IMMT: variants seen among roughly 807,000 people sequenced by gnomAD.
The protein encoded by IMMT is MICOS complex subunit MIC60.
IMMT carries 40 observed loss-of-function variants against 92.7 expected under a neutral mutation model. The ratio of observed to expected loss-of-function variants is 0.43; its 90% CI spans 0.34 to 0.56. IMMT has a LOEUF of 0.56. Ranked by LOEUF, IMMT falls within the 20% of genes least tolerant of loss-of-function variation. The pLI is 0.03. For missense variants in IMMT, 831 were observed against 912.1 expected, an observed-to-expected ratio of 0.91 and a Z score of 1.14; for synonymous variants, 322 against 336.1, an observed-to-expected ratio of 0.96 and a Z score of 0.46.
At chr2:86,179,697 A>C in intron 2 of IMMT, 75 bp from the exon 3 acceptor site, 4 of 1,251,120 alleles carry the variant, frequency 3.2e-6, no homozygotes, top group Non-Finnish European at 4.3e-6. Flanking sequence ...CAATGTAACC[A>C]TCTCGAAGAC....
Position 86,144,765 on chromosome 2 carries a change from T to G in IMMT, c.1780A>C (p.Ser594Arg), listed in dbSNP as rs767180611. The G allele has an allele frequency of 3.7e-6, 6 of 1,613,714 alleles. No individual in the cohort carries two copies. The South Asian group carries it at 6.6e-5, about 18-fold the overall frequency. ...TTGGCTTTGATGGCCTCAACTGCAC[T>G]ACCCAGCGGGATAGTAGGTGTTTCT... ...SAETPTIPLG[S>R]AVEAIKANCS... The change falls in exon 15 of 15, where the codon AGT becomes CGT. Residue 594 changes from serine (S) to arginine (R), a missense_variant. Transcript: ENST00000410111.
intron 4 of IMMT, among the ~76,000 whole-genome samples, chr2:86,172,456 T>A (rs1677163967): frequency 6.6e-6 from 1 of 151,994 alleles, no homozygotes; most frequent in Non-Finnish European, 1.5e-5. Context: ...TGGTCCTCCC[T>A]CCCGAGTGCT....
intron 1 of IMMT, 66 bp downstream of exon 1, chr2:86,195,272 C>G (rs931115254): frequency 6.9e-7 from 1 of 1,440,758 alleles, no homozygotes; most frequent in Non-Finnish European, 9.3e-7. Context: ...GACCAAGGCT[C>G]CCCCGTTTTT....
chr2:86,166,761 C>T (rs536199152), intron 6 of IMMT, 117 bp from the exon 7 acceptor site: 2 of 985,986 alleles, frequency 2.0e-6, no homozygotes, highest in Non-Finnish European at 2.9e-6. Flanking sequence ...TAAAAAGGAA[C>T]AAAATACATG....
chr2:86,154,317 C>T (rs1034918850), intron 10 of IMMT, among the ~76,000 whole-genome samples: 4 of 151,728 alleles, frequency 2.6e-5, no homozygotes, highest in Admixed American at 2.0e-4. Context: ...GGACTACATG[C>T]GCCTCCCACC....
chr2:86,165,052 T>C (rs1676575437), intron 7 of IMMT, among the ~76,000 whole-genome samples: 1 of 152,264 alleles, frequency 6.6e-6, no homozygotes, highest in Admixed American at 6.5e-5. Context: ...AATTATTTTG[T>C]ACATTAGCTA....
Position 86,185,014 on chromosome 2 carries a change from C to T in IMMT, c.46-3642G>A, listed in dbSNP as rs1377405569. Among the ~76,000 whole-genome samples, 3 of 151,980 alleles carry T rather than the reference C, an allele frequency of 2.0e-5. No homozygotes were observed. In the East Asian group the frequency reaches 5.8e-4, roughly 29 times the overall value. Reference sequence around the variant, plus strand: ...CCATCCTGCTGAACATGGTGAAACCCCGTCTCTACTAAAAATACAGAAAAT... The same window carrying T: ...CCATCCTGCTGAACATGGTGAAACCTCGTCTCTACTAAAAATACAGAAAAT... On this transcript the variant is annotated intron_variant, in intron 1 of 14. Coordinates refer to ENST00000410111, the MANE Select transcript of IMMT (RefSeq NM_006839.3).
rs576333264 is a variant in IMMT at position 86,161,802 on chromosome 2, C to A, written c.896+174G>T. 185 of 511,080 alleles carry A rather than the reference C, an allele frequency of 3.6e-4. 1 individual carries two copies. Among genetic ancestry groups the A allele is most frequent in the South Asian group, 3.2e-3 (159 of 49,782 alleles). The allele number at this position is 511,080 out of a possible 1,614,324, so 31.7% of individuals were successfully genotyped here. On this transcript the variant is annotated intron_variant, in intron 8 of 14. Coordinates refer to ENST00000410111, the MANE Select transcript of IMMT (RefSeq NM_006839.3). Reference sequence around the variant, plus strand: ...GTGCTGGGATTACAGGTGTGAGCCACCGTGCCCGGCCTGTACAAATTCCTA... The same window carrying A: ...GTGCTGGGATTACAGGTGTGAGCCAACGTGCCCGGCCTGTACAAATTCCTA...
In IMMT at chr2:86,149,833, T is replaced by C. The variant is rs138605423; in HGVS notation, c.1401+1464A>G. ...AGGCAGAGGTTGCAATGAGCCAAGA[T>C]TGCACTACTGCACTCTACCCTGGGC... On this transcript the variant is annotated intron_variant, in intron 12 of 14. Transcript: ENST00000410111. Among the ~76,000 whole-genome samples, 55 of 149,572 alleles carry C rather than the reference T, an allele frequency of 3.7e-4. 1 individual carries two copies. The East Asian group carries it at 0.011, about 30-fold the overall frequency.
In IMMT at chr2:86,144,643, A is replaced by G. The variant is rs1171221452; in HGVS notation, c.1902T>C (p.Arg634=). The G allele has an allele frequency of 6.2e-7, 1 of 1,613,982 alleles. No individual in the cohort carries two copies. Residue 634 remains arginine (R), a synonymous_variant, in exon 15 of 15, where the codon CGT becomes CGC. Transcript: ENST00000410111. ...GGGCCAGTTTTTGAACAGCATAGAA[A>G]CGGGCTCTAAGGGTCTCTTCACTGT... ...GVYSEETLRA[R]FYAVQKLARR... is the part of the protein sequence containing the mutation.
chr2:86,173,887 CAT>C (rs1433429303), intron 3 of IMMT, 126 bp from the exon 4 acceptor site: 1 of 579,532 alleles, frequency 1.7e-6, no homozygotes, highest in Non-Finnish European at 3.0e-6. Flanking sequence ...CACTTTGTAA[CAT>C]ATGTATTTTA....
chr2:86,173,370 C>T (rs187277213), intron 4 of IMMT: 18 of 331,334 alleles, frequency 5.4e-5, no homozygotes, highest in African/African-American at 3.6e-4. Flanking sequence ...CACCTGAGAG[C>T]GGGAGTTTGA....
At chr2:86,170,665 G>A in intron 6 of IMMT, 84 bp downstream of exon 6, 3 of 872,894 alleles carry the variant, frequency 3.4e-6, no homozygotes, top group East Asian at 5.3e-5. Flanking sequence ...CTAGGTGATA[G>A]ATGACAAACT....
rs751941723 is a variant in IMMT, at chr2:86,195,404, G to T, written c.-22C>A. On this transcript the variant is annotated 5_prime_UTR_variant, in exon 1 of 15. Transcript: ENST00000410111. The stretch of plus-strand genomic sequence containing the variant: ...GCATCTCGGTCAAGCGGACGGCGCT[G>T]CTGGTGGACTCGAGCTGCCGCGGCG... The T allele has an allele frequency of 1.9e-6, 3 of 1,546,332 alleles. No homozygotes were observed. The highest frequency in any genetic ancestry group is 2.6e-6 in the Non-Finnish European group (3 of 1,145,054).
In IMMT at chr2:86,166,570, C is replaced by A. The variant is rs1164135366; in HGVS notation, c.730G>T (p.Ala244Ser). Residue 244 changes from alanine (A) to serine (S), a missense_variant, in exon 7 of 15, where the codon GCT becomes TCT. Physicochemically the swap from Ala to Ser is moderately conservative, Grantham distance 99. Transcript: ENST00000410111. The part of the protein sequence containing the change: ...VTLQAIAAQN[A>S]AVQAVNAHSN... ...TGTGCATTGACAGCCTGGACCGCAGCATTCTGAGCTGCAATAGCCTGCAGA... is the reference window on the plus strand; with the variant it reads ...TGTGCATTGACAGCCTGGACCGCAGAATTCTGAGCTGCAATAGCCTGCAGA... 1 of 1,613,454 alleles carries A rather than the reference C, an allele frequency of 6.2e-7. No homozygotes were observed. Among genetic ancestry groups the A allele is most frequent in the Admixed American group, 1.7e-5 (1 of 59,988 alleles).
intron 10 of IMMT, among the ~76,000 whole-genome samples, chr2:86,154,360 G>A (rs1160802416): frequency 1.3e-5 from 2 of 151,054 alleles, no homozygotes; most frequent in Non-Finnish European, 2.9e-5. Context: ...TTTAGTAGAC[G>A]GGGTTTCACT....
intron 11 of IMMT, among the ~76,000 whole-genome samples, chr2:86,152,776 T>C (rs1314853795): frequency 4.6e-5 from 7 of 151,694 alleles, no homozygotes; most frequent in Non-Finnish European, 7.4e-5. Flanking sequence ...AAAAGAATTA[T>C]GACTCCATCA....
At chr2:86,159,370 C>T (rs1273432191) in intron 9 of IMMT, 166 bp downstream of exon 9, 3 of 696,062 alleles carry the variant, frequency 4.3e-6, no homozygotes, top group African/African-American at 1.8e-5. Flanking sequence ...CAGGTGTGAA[C>T]CACCACACCC....
Position 86,158,741 on chromosome 2 carries a change from AT to A in IMMT, c.1033-21del. The A allele has an allele frequency of 1.3e-6, 2 of 1,568,068 alleles. No homozygotes were observed. The highest frequency in any genetic ancestry group is 2.3e-5 in the South Asian group (2 of 86,686). On this transcript the variant is annotated intron_variant, in intron 9 of 14. Transcript: ENST00000410111. ...TTGGACCTGAGCAAATACACAGGGTATGTGATTAAATTGAACAAAAAATACC... is the reference window on the plus strand; with the variant it reads ...TTGGACCTGAGCAAATACACAGGGTAGTGATTAAATTGAACAAAAAATACC...
Sources: gnomAD v4.1 joint callset for allele counts (sites outside exome capture counted in the v4.1 genomes callset) on GRCh38, gnomAD v4.1.1 for gene constraint, MANE v1.5 for transcripts, NCBI Gene and HGNC (gene_info 2026-07-23, HGNC 2026-07-21) for gene names.